Variants in FAM107B observed in about 807,000 individuals in gnomAD.
The protein encoded by FAM107B is family with sequence similarity 107 member B.
In FAM107B, 21 loss-of-function variants were observed where a neutral mutation model predicts 31.5. The observed-to-expected ratio is 0.67, with a 90% CI of 0.47 to 0.96. The LOEUF is 0.96. FAM107B is among the 40% of genes least tolerant of loss of function. The probability of loss-of-function intolerance (pLI) is 0.00; values close to 1 mark genes in which losing one functional copy is unlikely to be tolerated. For missense variants in FAM107B, 452 were observed against 377.1 expected, an observed-to-expected ratio of 1.20 and a Z score of -1.64; for synonymous variants, 157 against 141.5, an observed-to-expected ratio of 1.11 and a Z score of -0.78.
intron 2 of FAM107B, among the ~76,000 whole-genome samples, chr10:14,556,804 C>G (rs927374815): frequency 2.6e-5 from 4 of 152,242 alleles, no homozygotes; most frequent in Non-Finnish European, 4.4e-5. Context: ...GACTTTCCCC[C>G]CATGGGATTG....
intron 2 of FAM107B, among the ~76,000 whole-genome samples, chr10:14,582,438 A>G (rs1012556028): frequency 1.5e-5 from 2 of 129,082 alleles, no homozygotes; most frequent in East Asian, 2.4e-4. Flanking sequence ...GTGCAGTGGC[A>G]CAATCTCTGC....
At chr10:14,626,412 A>G (rs142597053) in intron 2 of FAM107B, among the ~76,000 whole-genome samples, 9 of 151,612 alleles carry the variant, frequency 5.9e-5, no homozygotes, top group African/African-American at 2.2e-4. Context: ...CTCTCACAAT[A>G]CTTCTGCTGT....
intron 2 of FAM107B, among the ~76,000 whole-genome samples, chr10:14,590,752 C>T (rs887662839): frequency 2.0e-5 from 3 of 151,520 alleles, no homozygotes; most frequent in Non-Finnish European, 4.4e-5. Flanking sequence ...GAGGGTGAGG[C>T]AGGCGGATCA....
chr10:14,629,970 A>G (rs1853311733), intron 2 of FAM107B, among the ~76,000 whole-genome samples: 1 of 152,198 alleles, frequency 6.6e-6, no homozygotes, highest in Non-Finnish European at 1.5e-5. Context: ...TCAACTTGAG[A>G]TACATGAAAA....
chr10:14,560,787 C>T (rs922284075), intron 2 of FAM107B, among the ~76,000 whole-genome samples: 2 of 152,188 alleles, frequency 1.3e-5, no homozygotes, highest in South Asian at 4.1e-4. Context: ...CCATTCCTAT[C>T]ATCAAAATGG....
Position 14,613,985 on chromosome 10 carries a change from G to A in FAM107B, c.469+53649C>T, listed in dbSNP as rs1377486090. Among the ~76,000 whole-genome samples, 3 of 152,024 alleles carry A rather than the reference G, an allele frequency of 2.0e-5. 1 individual carries two copies. Among genetic ancestry groups the A allele is most frequent in the Non-Finnish European group, 4.4e-5 (3 of 68,014 alleles). ...ATCTCTACTAAAAATACAAAAATTA[G>A]TCAGGAGTGTTGGCGGGCGCCTGTA... On this transcript the variant is annotated intron_variant, in intron 2 of 4. Transcript: ENST00000181796.
At chr10:14,730,263 A>G (rs1856142529) in intron 1 of FAM107B, among the ~76,000 whole-genome samples, 1 of 152,234 alleles carries the variant, frequency 6.6e-6, no homozygotes, top group Admixed American at 6.5e-5. Context: ...ATGGTCTGAG[A>G]TGTCACATGG....
chr10:14,522,200 A>T (rs1845722848), intron 3 of FAM107B, 181 bp from the exon 4 acceptor site: 1 of 735,320 alleles, frequency 1.4e-6, no homozygotes. Flanking sequence ...AAGAAAGGCA[A>T]GAGGAGATCT....
chr10:14,545,650 T>C (rs2131009787), intron 2 of FAM107B, among the ~76,000 whole-genome samples: 1 of 152,372 alleles, frequency 6.6e-6, no homozygotes, highest in East Asian at 1.9e-4. Flanking sequence ...ATCTTTGAAA[T>C]TATACAAGTT....
intron 2 of FAM107B, among the ~76,000 whole-genome samples, chr10:14,648,666 G>T (rs759462932): frequency 1.3e-5 from 2 of 152,276 alleles, no homozygotes; most frequent in African/African-American, 2.4e-5. Context: ...CAGGTGCGTC[G>T]GTGGCAAACA....
At chr10:14,758,207 C>T (rs962106459) in intron 1 of FAM107B, among the ~76,000 whole-genome samples, 1 of 152,208 alleles carries the variant, frequency 6.6e-6, no homozygotes, top group Admixed American at 6.5e-5. Context: ...CTGCCCCTGA[C>T]TTGACAAAGC....
chr10:14,550,434 A>G (rs1849149938), intron 2 of FAM107B, among the ~76,000 whole-genome samples: 1 of 152,182 alleles, frequency 6.6e-6, no homozygotes, highest in Admixed American at 6.5e-5. Context: ...CACTCTGGCA[A>G]TTCATTGCAT....
chr10:14,637,594 TG>T (rs1438780588), intron 2 of FAM107B, among the ~76,000 whole-genome samples: 1 of 152,138 alleles, frequency 6.6e-6, no homozygotes, highest in African/African-American at 2.4e-5. Flanking sequence ...CAATGAGCTG[TG>T]ATCATGCTAC....
intron 1 of FAM107B, among the ~76,000 whole-genome samples, chr10:14,724,769 G>A (rs961597463): frequency 6.6e-6 from 1 of 152,068 alleles, no homozygotes; most frequent in African/African-American, 2.4e-5. Context: ...AAGACTGAAG[G>A]AAACGACAGA....
intron 2 of FAM107B, among the ~76,000 whole-genome samples, chr10:14,632,340 A>G (rs1158628195): frequency 5.6e-5 from 8 of 142,550 alleles, no homozygotes; most frequent in South Asian, 2.2e-4. Flanking sequence ...TGCCGGGCGC[A>G]GTGGCTCACG....
chr10:14,526,903 T>C (rs911394745), intron 3 of FAM107B, among the ~76,000 whole-genome samples: 4 of 151,770 alleles, frequency 2.6e-5, no homozygotes, highest in African/African-American at 9.7e-5. Context: ...AGTGGCGCCA[T>C]CTCAGCTCAC....
intron 1 of FAM107B, among the ~76,000 whole-genome samples, chr10:14,684,905 C>T (rs1854939565): frequency 6.6e-6 from 1 of 151,908 alleles, no homozygotes; most frequent in South Asian, 2.1e-4. Flanking sequence ...ACGGCAGCCT[C>T]AATCTCCGGG....
At chr10:14,745,181 G>T (rs1588749784) in intron 1 of FAM107B, among the ~76,000 whole-genome samples, 2 of 151,590 alleles carry the variant, frequency 1.3e-5, no homozygotes, top group Non-Finnish European at 2.9e-5. Flanking sequence ...TTGTCTATTT[G>T]GTTCTTCTCT....
chr10:14,729,862 A>G (rs1445851946), intron 1 of FAM107B, among the ~76,000 whole-genome samples: 1 of 152,238 alleles, frequency 6.6e-6, no homozygotes, highest in Non-Finnish European at 1.5e-5. Flanking sequence ...GCAGCCATAA[A>G]AAAGAATGAG....
Sources: allele counts gnomAD v4.1 joint callset (sites outside exome capture counted in the v4.1 genomes callset), GRCh38; gene constraint gnomAD v4.1.1; transcripts MANE v1.5; gene names NCBI Gene and HGNC (gene_info 2026-07-23, HGNC 2026-07-21).